The following KIAA1549 variants were observed in gnomAD, a reference collection of about 807,000 sequenced individuals.
KIAA1549 encodes UPF0606 protein KIAA1549.
KIAA1549 carries 70 observed loss-of-function variants against 156.4 expected under a neutral mutation model. The ratio of observed to expected loss-of-function variants is 0.45; its 90% CI spans 0.37 to 0.55. KIAA1549 has a LOEUF of 0.55. KIAA1549 is among the 20% of genes least tolerant of loss of function. The pLI, the probability that KIAA1549 is intolerant of heterozygous loss-of-function variation, is 0.00. For missense variants in KIAA1549, 2,428 were observed against 2,540.9 expected, an observed-to-expected ratio of 0.96 and a Z score of 0.96; for synonymous variants, 1,103 against 1,066.4, an observed-to-expected ratio of 1.03 and a Z score of -0.67.
intron 12 of KIAA1549, 130 bp from the exon 13 acceptor site, chr7:138,871,492 T>G: frequency 7.1e-4 from 436 of 614,866 alleles, no homozygotes; most frequent in Non-Finnish European, 1.1e-3. Flanking sequence ...CCCACTGCAG[T>G]AGCAGAGTGT....
At position 138,918,542 on chromosome 7, in the gene KIAA1549, G is replaced by A. The variant is rs1202243632; in HGVS notation, c.1084C>T (p.Leu362Phe). ...GACGCAAATGCAAGAGGAGTTGAAA[G>A]CAATGGAGAATGTGTCCTGCTGAAT... ...LAFSRTHSPL[L>F]STPLAFASSA... Residue 362 changes from leucine to phenylalanine, a missense_variant, in exon 2 of 20, where the codon CTT becomes TTT. By Grantham distance (22) the Leu-to-Phe change is conservative. Transcript: ENST00000422774. This position sits in a 1 kb window ranked among gnomAD's most constrained non-coding sequence, Gnocchi z 4.2. 2 of 1,613,944 alleles carry A rather than the reference G, an allele frequency of 1.2e-6. No individual in the cohort carries two copies. Among genetic ancestry groups the A allele is most frequent in the African/African-American group, 1.3e-5 (1 of 74,944 alleles).
chr7:138,893,752 C>T (rs894716806), intron 10 of KIAA1549, among the ~76,000 whole-genome samples: 1 of 152,224 alleles, frequency 6.6e-6, no homozygotes, highest in Non-Finnish European at 1.5e-5. Context: ...GGCTCCTATC[C>T]TCTGAAAATA....
intron 12 of KIAA1549, among the ~76,000 whole-genome samples, chr7:138,876,972 G>T (rs1811102351): frequency 6.6e-6 from 1 of 152,106 alleles, no homozygotes; most frequent in South Asian, 2.1e-4. Context: ...CCATTGCAAG[G>T]TGGGTCCTTA....
In KIAA1549 at chr7:138,879,583, G is replaced by C; in HGVS notation, c.4300C>G (p.Pro1434Ala). The C allele has an allele frequency of 6.4e-7, 1 of 1,569,704 alleles. No homozygotes were observed. Among genetic ancestry groups the C allele is most frequent in the East Asian group, 2.4e-5 (1 of 42,398 alleles). ...GACCTGCCATCGTTGACGGCTCCCGGCGTCTTATCTCCTGCGTCCCTCTCG... is the reference window on the plus strand; with the variant it reads ...GACCTGCCATCGTTGACGGCTCCCGCCGTCTTATCTCCTGCGTCCCTCTCG... ...SSERDAGDKT[P>A]GAVNDGRSHR... Residue 1434 changes from proline to alanine, a missense_variant, in exon 12 of 20, where the codon CCG becomes GCG. Pro to Ala is a conservative substitution (Grantham distance 27). This residue lies in a region of KIAA1549 where 404 missense variants were observed against 417.0 expected (regional missense o/e 0.97). Transcript: ENST00000422774.
chr7:138,866,629 C>T (rs1318704349), intron 15 of KIAA1549, among the ~76,000 whole-genome samples: 1 of 152,146 alleles, frequency 6.6e-6, no homozygotes, highest in Non-Finnish European at 1.5e-5. Context: ...GCACCTGGCT[C>T]GCCCTCTCTG....
intron 19 of KIAA1549, 129 bp from the exon 20 acceptor site, chr7:138,838,289 C>G: frequency 1.1e-6 from 1 of 945,480 alleles, no homozygotes; most frequent in East Asian, 2.7e-5. Flanking sequence ...CTAACAGGGC[C>G]CTGCTGCCTA....
At position 138,918,991 on chromosome 7, in the gene KIAA1549, C is replaced by T; in HGVS notation, c.635G>A (p.Trp212Ter). ...SLQDEEVTSGWQNTTRQPAAY... is the reference protein window; with the variant it reads ...SLQDEEVTSG ...CGCTGGTTGTCGCGTTGTGTTCTGC[C>T]AGCCCGATGTCACTTCTTCATCTTG... is the stretch of plus-strand genomic sequence containing the variant. Residue 212 changes from tryptophan (W) to a stop codon, truncating the protein, a stop_gained, in exon 2 of 20, where the codon TGG (tryptophan) becomes TAG (stop). Transcript: ENST00000422774. LOFTEE classifies it high-confidence loss of function. This position sits in a 1 kb window ranked among gnomAD's most constrained non-coding sequence, Gnocchi z 4.2. 1 of 1,614,036 alleles carries T rather than the reference C, an allele frequency of 6.2e-7. No homozygotes were observed. The highest frequency in any genetic ancestry group is 8.5e-7 in the Non-Finnish European group (1 of 1,179,908).
intron 10 of KIAA1549, among the ~76,000 whole-genome samples, chr7:138,889,267 A>ACTGTT (rs1811484301): frequency 6.6e-6 from 1 of 152,208 alleles, no homozygotes; most frequent in African/African-American, 2.4e-5. Flanking sequence ...TTGCCTCTAT[A>ACTGTT]GGGCGGTCTA....
chr7:138,915,646 C>T (rs1171706592), intron 2 of KIAA1549, among the ~76,000 whole-genome samples: 1 of 152,060 alleles, frequency 6.6e-6, no homozygotes, highest in Non-Finnish European at 1.5e-5. Context: ...TCCTTCTCCC[C>T]CTTCCACATT....
At chr7:138,853,483 T>C (rs1206903205) in intron 16 of KIAA1549, among the ~76,000 whole-genome samples, 2 of 152,228 alleles carry the variant, frequency 1.3e-5, no homozygotes, top group African/African-American at 2.4e-5. Context: ...TGAACAAATA[T>C]CTATTTTGTG....
intron 10 of KIAA1549, among the ~76,000 whole-genome samples, chr7:138,888,857 T>C (rs1240857799): frequency 6.6e-6 from 1 of 152,222 alleles, no homozygotes; most frequent in Non-Finnish European, 1.5e-5. Context: ...CAAATGTCCA[T>C]CTGTCAAGCC....
At chr7:138,872,987 C>A (rs1810982124) in intron 12 of KIAA1549, among the ~76,000 whole-genome samples, 1 of 152,140 alleles carries the variant, frequency 6.6e-6, no homozygotes, top group Admixed American at 6.5e-5. Context: ...AATAAATGGC[C>A]AGCAGGCTGA....
intron 15 of KIAA1549, 111 bp from the exon 16 acceptor site, chr7:138,861,567 T>C (rs1810579807): frequency 6.4e-6 from 6 of 938,388 alleles, no homozygotes; most frequent in Non-Finnish European, 9.9e-6. Context: ...AAAATGACAG[T>C]TGAGGCTGTG....
chr7:138,910,318 G>A (rs574179439), intron 4 of KIAA1549, among the ~76,000 whole-genome samples: 53 of 151,976 alleles, frequency 3.5e-4, no homozygotes, highest in Non-Finnish European at 5.4e-4. Flanking sequence ...CAGGAGGATC[G>A]CTTGAGCCCA....
At chr7:138,953,470 C>T (rs1314691604) in intron 1 of KIAA1549, among the ~76,000 whole-genome samples, 1 of 152,082 alleles carries the variant, frequency 6.6e-6, no homozygotes, top group African/African-American at 2.4e-5. Context: ...TAAAAAGATA[C>T]ATTTTTAAGA....
intron 1 of KIAA1549, among the ~76,000 whole-genome samples, chr7:138,942,665 C>T (rs1284414679): frequency 1.3e-5 from 2 of 152,090 alleles, no homozygotes; most frequent in African/African-American, 4.8e-5. Context: ...AATCCCAGCA[C>T]TTTGGGAGGC....
At chr7:138,951,461 G>A (rs1813497274) in intron 1 of KIAA1549, among the ~76,000 whole-genome samples, 1 of 152,050 alleles carries the variant, frequency 6.6e-6, no homozygotes, top group Admixed American at 6.6e-5. Context: ...GTGCACAGTT[G>A]CCATCCTCTC....
chr7:138,975,226 T>C (rs887551577), intron 1 of KIAA1549, among the ~76,000 whole-genome samples: 3 of 147,084 alleles, frequency 2.0e-5, no homozygotes, highest in Admixed American at 6.7e-5. Flanking sequence ...ACAAAGGAGA[T>C]GGAAAAAAGA....
chr7:138,964,230 C>T (rs1813946332), intron 1 of KIAA1549, among the ~76,000 whole-genome samples: 1 of 152,140 alleles, frequency 6.6e-6, no homozygotes. Context: ...GGGCTCTGTC[C>T]ACAGAGCTCA....
Sources: allele counts gnomAD v4.1 joint callset (sites outside exome capture counted in the v4.1 genomes callset), GRCh38; gene constraint gnomAD v4.1.1; regional missense constraint gnomAD v4.1.1; non-coding constraint Gnocchi (gnomAD v3.1); transcripts MANE v1.5; gene names NCBI Gene and HGNC (gene_info 2026-07-23, HGNC 2026-07-21).